Variants in POLR3D observed in about 807,000 individuals in gnomAD.
The protein encoded by POLR3D is RNA polymerase III subunit D.
In POLR3D, 42 loss-of-function variants were observed where a neutral mutation model predicts 44.5. The ratio of observed to expected loss-of-function variants is 0.94; its 90% CI spans 0.74 to 1.22. The LOEUF (loss-of-function observed/expected upper bound fraction) is 1.22. Among genes scored for constraint, POLR3D ranks in the 50% most tolerant of loss-of-function variants. The pLI, the probability that POLR3D is intolerant of heterozygous loss-of-function variation, is 0.00. For synonymous variants in POLR3D, 217 were observed against 198.1 expected (o/e 1.10, Z -0.80); for missense variants, 507 against 505.2 (o/e 1.00, Z -0.03).
intron 2 of POLR3D, among the ~76,000 whole-genome samples, chr8:22,246,874 T>G (rs1283853703): frequency 6.6e-6 from 1 of 152,196 alleles, no homozygotes; most frequent in Admixed American, 6.6e-5. Context: ...TGTTCCCCCA[T>G]GATACTGACT....
chr8:22,249,850 G>T (rs889774761), intron 7 of POLR3D, among the ~76,000 whole-genome samples: 1 of 152,218 alleles, frequency 6.6e-6, no homozygotes, highest in Non-Finnish European at 1.5e-5. Flanking sequence ...AAACCGCCAT[G>T]TACCAGAACT....
Position 22,252,795 on chromosome 8 carries a change from G to A in POLR3D, c.*2277G>A, listed in dbSNP as rs1272549214. The A allele has an allele frequency of 1.3e-5, 2 of 152,180 alleles. No individual in the cohort carries two copies. Among genetic ancestry groups the A allele is most frequent in the Non-Finnish European group, 2.9e-5 (2 of 68,050 alleles). 9.4% of individuals were successfully genotyped at this position (152,180 alleles called of 1,614,324 possible). On this transcript the variant is annotated 3_prime_UTR_variant, in exon 9 of 9. Coordinates refer to ENST00000306433, the MANE Select transcript of POLR3D (RefSeq NM_001722.3). ...TAAATACAGAAAGAAGGAACAATAG[G>A]CTTGCACACTTTTCTAACTACATGT...
Position 22,245,576 on chromosome 8 carries a change from A to T in POLR3D, c.127A>T (p.Ile43Phe), listed in dbSNP as rs2035023405. Residue 43 changes from isoleucine to phenylalanine, a missense_variant, in exon 2 of 9, where the codon ATC becomes TTC. Ile to Phe is a conservative substitution (Grantham distance 21). Coordinates refer to ENST00000306433, the MANE Select transcript of POLR3D (RefSeq NM_001722.3). The part of the protein sequence containing the change: ...PPLTPGRLPS[I>F]RSRDLTLGGV... ...CCTCACCCCCGGCCGCCTTCCCTCC[A>T]TCCGTTCCAGGGACCTCACCCTCGG... 7.9e-7 allele frequency: 1 copy of T among 1,260,458 alleles called. No homozygotes were observed. The highest frequency in any genetic ancestry group is 3.9e-5 in the South Asian group (1 of 25,974). The allele number at this position is 1,260,458 out of a possible 1,614,324, so 78.1% of individuals were successfully genotyped here.
chr8:22,247,739 G>C (rs943932801), intron 3 of POLR3D, 118 bp from the exon 4 acceptor site: 1 of 879,646 alleles, frequency 1.1e-6, no homozygotes. Flanking sequence ...TGCTTCTCAT[G>C]GTGTAAATAT....
rs192021832 is a variant in POLR3D, at chr8:22,253,767, C to G, written c.*3249C>G. 6.6e-6 allele frequency: 1 copy of G among 152,224 alleles called. No homozygotes were observed. Among genetic ancestry groups the G allele is most frequent in the East Asian group, 1.9e-4 (1 of 5,186 alleles). 9.4% of individuals were successfully genotyped at this position (152,224 alleles called of 1,614,324 possible). A position where few individuals can be genotyped will look rare whatever the true frequency, so the allele number is the denominator to read the frequency against. On this transcript the variant is annotated 3_prime_UTR_variant, in exon 9 of 9. Coordinates refer to ENST00000306433, the MANE Select transcript of POLR3D (RefSeq NM_001722.3). ...TCTTGGCTTACTGCAACTCTGTCTC[C>G]CAGGTTCAAGTGATCCTCCCGCCTC...
At position 22,254,036 on chromosome 8, in the gene POLR3D, A is replaced by C. The variant is rs1325067311; in HGVS notation, c.*3518A>C. The C allele has an allele frequency of 6.6e-6, 1 of 152,094 alleles. No homozygotes were observed. Among genetic ancestry groups the C allele is most frequent in the Non-Finnish European group, 1.5e-5 (1 of 68,038 alleles). The allele number at this position is 152,094 out of a possible 1,614,324, so 9.4% of individuals were successfully genotyped here. ...GGATTGGGCTTCTGTCATACCTATC[A>C]CCCAAATAGTGAACATTGTACTCAG... On this transcript the variant is annotated 3_prime_UTR_variant, in exon 9 of 9. Transcript: ENST00000306433.
At chr8:22,246,419 C>T (rs982937760) in intron 2 of POLR3D, among the ~76,000 whole-genome samples, 5 of 151,026 alleles carry the variant, frequency 3.3e-5, no homozygotes, top group African/African-American at 4.9e-5. Flanking sequence ...TGTGAGCCAC[C>T]GCTCCTGGCC....
rs1830125169 is a variant in POLR3D at position 22,253,853 on chromosome 8, T to G, written c.*3335T>G. Reference sequence around the variant, plus strand: ...ACCACACCTGGCTAATTTTTGTATTTTTAGTAGAGACGGGAGTTTCACCAT... The same window carrying G: ...ACCACACCTGGCTAATTTTTGTATTGTTAGTAGAGACGGGAGTTTCACCAT... On this transcript the variant is annotated 3_prime_UTR_variant, in exon 9 of 9. Coordinates refer to ENST00000306433, the MANE Select transcript of POLR3D (RefSeq NM_001722.3). 1 of 152,230 alleles carries G rather than the reference T, an allele frequency of 6.6e-6. No individual in the cohort carries two copies. Among genetic ancestry groups the G allele is most frequent in the Non-Finnish European group, 1.5e-5 (1 of 68,056 alleles). 9.4% of individuals were successfully genotyped at this position (152,230 alleles called of 1,614,324 possible). A position where few individuals can be genotyped will look rare whatever the true frequency, so the allele number is the denominator to read the frequency against.
intron 4 of POLR3D, 34 bp from the exon 5 acceptor site, chr8:22,248,120 A>T (rs1393358695): frequency 1.2e-6 from 2 of 1,612,300 alleles, no homozygotes; most frequent in South Asian, 2.2e-5. Context: ...CATCTTCCTT[A>T]TCGATCCCTA....
At chr8:22,247,290 T>G in intron 3 of POLR3D, 26 bp downstream of exon 3, 1 of 1,580,432 alleles carries the variant, frequency 6.3e-7, no homozygotes, top group Non-Finnish European at 8.7e-7. Context: ...TTCTGAATAC[T>G]TGCCCCTTAT....
At position 22,253,434 on chromosome 8, in the gene POLR3D, A is replaced by G. The variant is rs138001186; in HGVS notation, c.*2916A>G. On this transcript the variant is annotated 3_prime_UTR_variant, in exon 9 of 9. Transcript: ENST00000306433. ...ACTAGTGTATCCCCTGGCACTGAGC[A>G]CACTTGCCCTTGAGCTGGGGTTTTG... The G allele has an allele frequency of 2.0e-5, 3 of 152,356 alleles. No individual in the cohort carries two copies. In the East Asian group the frequency reaches 5.8e-4, roughly 29 times the overall value. The allele number at this position is 152,356 out of a possible 1,614,324, so 9.4% of individuals were successfully genotyped here. A position where few individuals can be genotyped will look rare whatever the true frequency, so the allele number is the denominator to read the frequency against.
chr8:22,248,630 G>C lies in POLR3D; in HGVS notation c.636G>C (p.Val212=), dbSNP rs1830067852. Residue 212 remains valine, a synonymous_variant, in exon 6 of 9, where the codon GTG becomes GTC. Transcript: ENST00000306433. ...LAGPKEEDME[V]DIPAVKVKEE... is the part of the protein sequence containing the mutation. Reference sequence around the variant, plus strand: ...GCCCCAAGGAAGAGGACATGGAGGTGGACATACCTGCTGTGAAAGGTACTC... The same window carrying C: ...GCCCCAAGGAAGAGGACATGGAGGTCGACATACCTGCTGTGAAAGGTACTC... The C allele has an allele frequency of 1.2e-6, 2 of 1,613,532 alleles. No homozygotes were observed. The highest frequency in any genetic ancestry group is 4.5e-5 in the East Asian group (2 of 44,880).
Position 22,250,096 on chromosome 8 carries a change from GCTTGTA to G in POLR3D, c.945_950del (p.Cys316_Thr317del). ...GCAGGAAGCCAAATTGGCAGAGAAT[GCTTGTA>G]CCCTGGCTGACCTGACAGAGGGTCA... On this transcript the variant is annotated inframe_deletion, in exon 8 of 9. Coordinates refer to ENST00000306433, the MANE Select transcript of POLR3D (RefSeq NM_001722.3). 6.2e-7 allele frequency: 1 copy of G among 1,614,184 alleles called. No individual in the cohort carries two copies. Among genetic ancestry groups the G allele is most frequent in the Non-Finnish European group, 8.5e-7 (1 of 1,180,034 alleles).
At chr8:22,248,782 T>C in intron 6 of POLR3D, 133 bp downstream of exon 6, 1 of 936,784 alleles carries the variant, frequency 1.1e-6, no homozygotes, top group Non-Finnish European at 1.6e-6. Context: ...GTAAGATACA[T>C]GAGCTGAACA....
At position 22,248,391 on chromosome 8, in the gene POLR3D, A is replaced by G. The variant is rs1304622357; in HGVS notation, c.487-90A>G. 3.8e-6 allele frequency: 6 copies of G among 1,572,238 alleles called. No individual in the cohort carries two copies. The East Asian group carries it at 1.3e-4, about 35-fold the overall frequency. The stretch of plus-strand genomic sequence containing the variant: ...CTGATGTCCTGGAATCCTGGGGAGC[A>G]GCGGAATCTTTGGTTAGAAAGGGAC... On this transcript the variant is annotated intron_variant, in intron 5 of 8. Transcript: ENST00000306433.
rs144260012 is a variant in POLR3D, at chr8:22,248,775, A to G, written c.655+126A>G. 932 of 968,800 alleles carry G rather than the reference A, an allele frequency of 9.6e-4. 9 individuals carry two copies. The East Asian group carries it at 0.021, about 21-fold the overall frequency. 60.0% of individuals were successfully genotyped at this position (968,800 alleles called of 1,614,324 possible). ...AGCAGGTCCTCCCATTCCGGCTGTA[A>G]GATACATGAGCTGAACAAAGATGCT... On this transcript the variant is annotated intron_variant, in intron 6 of 8. Coordinates refer to ENST00000306433, the MANE Select transcript of POLR3D (RefSeq NM_001722.3).
chr8:22,248,576 C>G lies in POLR3D; in HGVS notation c.582C>G (p.Asp194Glu). The G allele has an allele frequency of 1.2e-6, 2 of 1,614,126 alleles. No homozygotes were observed. The highest frequency in any genetic ancestry group is 1.1e-5 in the South Asian group (1 of 91,084). ...HSGWLFKEENDEPDVKPWLAG... is the reference protein window; with the variant it reads ...HSGWLFKEENEEPDVKPWLAG... ...GATGGCTTTTTAAGGAAGAAAATGA[C>G]GAACCAGATGTTAAACCTTGGCTGG... The change falls in exon 6 of 9, where the codon GAC (aspartate) becomes GAG (glutamate). Residue 194 changes from aspartate to glutamate, a missense_variant. Coordinates refer to ENST00000306433, the MANE Select transcript of POLR3D (RefSeq NM_001722.3).
Position 22,245,512 on chromosome 8 carries a change from T to A in POLR3D, c.63T>A (p.Thr21=). 1.6e-6 allele frequency: 2 copies of A among 1,287,814 alleles called. No homozygotes were observed. The highest frequency in any genetic ancestry group is 9.9e-7 in the Non-Finnish European group (1 of 1,010,078). The allele number at this position is 1,287,814 out of a possible 1,614,324, so 79.8% of individuals were successfully genotyped here. ...CGGGAGGGCCCCGACCTCTCCTGACTGGGGCCCGGGGGCTCATCGGGCGGC... is the reference window on the plus strand; with the variant it reads ...CGGGAGGGCCCCGACCTCTCCTGACAGGGGCCCGGGGGCTCATCGGGCGGC... ...STPGGPRPLL[T]GARGLIGRRP... The change falls in exon 2 of 9, where the codon ACT becomes ACA. Residue 21 remains threonine, a synonymous_variant. Transcript: ENST00000306433.
In POLR3D at chr8:22,250,882, C is replaced by T. The variant is rs1830099798; in HGVS notation, c.*364C>T. The stretch of plus-strand genomic sequence containing the variant: ...GTTGCAGGGGCAGGAAGCGTGTGGA[C>T]TGCAGCTTCTGCTGGTGCTCCCCCC... On this transcript the variant is annotated 3_prime_UTR_variant, in exon 9 of 9. Coordinates refer to ENST00000306433, the MANE Select transcript of POLR3D (RefSeq NM_001722.3). 3.7e-6 allele frequency: 1 copy of T among 273,478 alleles called. No homozygotes were observed. Among genetic ancestry groups the T allele is most frequent in the Admixed American group, 4.4e-5 (1 of 22,548 alleles). The allele number at this position is 273,478 out of a possible 1,614,324, so 16.9% of individuals were successfully genotyped here.
Sources: allele counts gnomAD v4.1 joint callset (sites outside exome capture counted in the v4.1 genomes callset), GRCh38; gene constraint gnomAD v4.1.1; transcripts MANE v1.5; gene names NCBI Gene and HGNC (gene_info 2026-07-23, HGNC 2026-07-21).